The following MEIS2 variants were observed in gnomAD, a reference collection of about 807,000 sequenced individuals.
MEIS2 encodes the protein Meis homeobox 2, also known as homeobox protein Meis2.
MEIS2 carries 9 observed loss-of-function variants against 58.6 expected under a neutral mutation model. The observed-to-expected ratio is 0.15, with a 90% CI of 0.09 to 0.27. MEIS2 has a LOEUF of 0.27. Among genes scored for constraint, MEIS2 ranks in the 10% least tolerant of loss-of-function variants. The pLI is 1.00. For missense variants in MEIS2, 427 were observed against 635.0 expected (o/e 0.67, Z 3.52); for synonymous variants, 221 against 228.4 (o/e 0.97, Z 0.29).
chr15:36,925,326 A>G (rs12909569), intron 9 of MEIS2, among the ~76,000 whole-genome samples: 53,505 of 152,066 alleles, frequency 0.35, 11,880 homozygotes, highest in Non-Finnish European at 0.51. Context: ...ACGAAGAGAT[A>G]AAGTAACAGA....
chr15:36,920,118 TTTTA>T (rs199959581), intron 9 of MEIS2, among the ~76,000 whole-genome samples: 26,700 of 134,164 alleles, frequency 0.2, 2,650 homozygotes, highest in South Asian at 0.3. Flanking sequence ...CCTATACTGC[TTTTA>T]TTTATTTATT....
intron 1 of MEIS2, among the ~76,000 whole-genome samples, chr15:37,098,688 A>C (rs1460208845): frequency 6.6e-6 from 1 of 152,136 alleles, no homozygotes; most frequent in African/African-American, 2.4e-5. Flanking sequence ...GGAGAAGTGG[A>C]GTTAGTGTGA....
At chr15:37,065,779 C>G (rs551581436) in intron 7 of MEIS2, among the ~76,000 whole-genome samples, 1 of 152,034 alleles carries the variant, frequency 6.6e-6, no homozygotes, top group Non-Finnish European at 1.5e-5. Flanking sequence ...TAAAAACCCA[C>G]GATATAAAAT....
intron 8 of MEIS2, among the ~76,000 whole-genome samples, chr15:37,009,453 T>C (rs1377479992): frequency 6.6e-6 from 1 of 152,220 alleles, no homozygotes; most frequent in African/African-American, 2.4e-5. Flanking sequence ...CAAACATTTG[T>C]CCTGTTAAGC....
chr15:36,991,783 C>CTTTTTTTTTTTTTTTTTTTTT (rs11285545), intron 8 of MEIS2, among the ~76,000 whole-genome samples: 1 of 51,036 alleles, frequency 2.0e-5, no homozygotes, highest in African/African-American at 7.6e-5. Flanking sequence ...TTTTTTTTTT[C>CTTTTTTTTTTTTTTTTTTTTT]TTTTTTTTTT....
intron 8 of MEIS2, among the ~76,000 whole-genome samples, chr15:36,980,592 C>T (rs1461478766): frequency 2.0e-5 from 3 of 152,160 alleles, no homozygotes; most frequent in Non-Finnish European, 2.9e-5. Context: ...GTCCCTCCCA[C>T]AACATGTGGG....
intron 1 of MEIS2, 184 bp downstream of exon 1, chr15:37,099,271 C>T: frequency 8.2e-6 from 12 of 1,463,568 alleles, no homozygotes; most frequent in African/African-American, 1.4e-5. Flanking sequence ...CACACACACT[C>T]GCACACACGC....
chr15:36,926,048 G>A (rs563630769), intron 9 of MEIS2, among the ~76,000 whole-genome samples: 4 of 151,876 alleles, frequency 2.6e-5, no homozygotes, highest in South Asian at 2.1e-4. Context: ...ATCCAGCCCC[G>A]CTTCTTTTTA....
intron 8 of MEIS2, among the ~76,000 whole-genome samples, chr15:37,024,269 T>C (rs1487860604): frequency 6.6e-6 from 1 of 152,190 alleles, no homozygotes; most frequent in Non-Finnish European, 1.5e-5. Context: ...GATCTGATTA[T>C]GCTCCTACTG....
At chr15:36,939,202 T>C (rs182346246) in intron 9 of MEIS2, among the ~76,000 whole-genome samples, 9 of 152,346 alleles carry the variant, frequency 5.9e-5, no homozygotes, top group Admixed American at 3.9e-4. Context: ...CTGGCTTTCA[T>C]GCATGTTTAC....
intron 9 of MEIS2, among the ~76,000 whole-genome samples, chr15:36,924,679 C>A (rs16964333): frequency 6.6e-6 from 1 of 152,122 alleles, no homozygotes; most frequent in Admixed American, 6.5e-5. Flanking sequence ...CTTACGGGAG[C>A]GGACCTGCTG....
At chr15:37,014,518 C>T (rs571445641) in intron 8 of MEIS2, among the ~76,000 whole-genome samples, 8 of 152,258 alleles carry the variant, frequency 5.3e-5, no homozygotes, top group African/African-American at 1.9e-4. Flanking sequence ...TAAAAATCTA[C>T]ATATGTTGTT....
chr15:36,993,047 TG>T lies in MEIS2; in HGVS notation c.901-42648del, dbSNP rs1230985415. ...CTAATTCTTTTAAATTATCTGTAGC[TG>T]AGGATTGTTACACAGTCATTTTATC... On this transcript the variant is annotated intron_variant, in intron 8 of 11. Transcript: ENST00000561208. 2.0e-5 allele frequency among the ~76,000 whole-genome samples: 3 copies of T among 152,292 alleles called. No homozygotes were observed. The South Asian group carries it at 6.2e-4, about 32-fold the overall frequency.
rs1315520672 is a variant in MEIS2, at chr15:36,890,628, A to G, written c.*1545T>C. ...GTAGTAAGACAGGCAGAGGAAAAAC[A>G]CAGGCAGATAAATTACCTTTGAGCA... On this transcript the variant is annotated 3_prime_UTR_variant, in exon 12 of 12. Transcript: ENST00000561208. 1 of 152,212 alleles carries G rather than the reference A, an allele frequency of 6.6e-6. No homozygotes were observed. The highest frequency in any genetic ancestry group is 2.4e-5 in the African/African-American group (1 of 41,460). 9.4% of individuals were successfully genotyped at this position (152,212 alleles called of 1,614,324 possible). A position where few individuals can be genotyped will look rare whatever the true frequency, so the allele number is the denominator to read the frequency against.
At chr15:37,007,804 A>G (rs926718541) in intron 8 of MEIS2, among the ~76,000 whole-genome samples, 6 of 152,238 alleles carry the variant, frequency 3.9e-5, no homozygotes, top group East Asian at 3.9e-4. Flanking sequence ...TGCTATGTTA[A>G]TAAAGAGGCA....
chr15:36,991,771 CT>C lies in MEIS2; in HGVS notation c.901-41372del, dbSNP rs1204017425. ...AAGTACATATTAAAGTGTTAATTTTCTTTTTTTTTTTCTTTTTTTTTTTTTT... is the reference window on the plus strand; with the variant it reads ...AAGTACATATTAAAGTGTTAATTTTCTTTTTTTTTTCTTTTTTTTTTTTTT... On this transcript the variant is annotated intron_variant, in intron 8 of 11. Coordinates refer to ENST00000561208, the MANE Select transcript of MEIS2 (RefSeq NM_170675.5). 2.5e-3 allele frequency among the ~76,000 whole-genome samples: 272 copies of C among 108,594 alleles called. 6 individuals carry two copies. The highest frequency in any genetic ancestry group is 8.6e-3 in the African/African-American group (249 of 28,998). The allele number at this position is 108,594 out of a possible 152,430, so 71.2% of individuals were successfully genotyped here. A position where few individuals can be genotyped will look rare whatever the true frequency, so the allele number is the denominator to read the frequency against.
chr15:36,946,470 T>C (rs989002864), intron 9 of MEIS2, among the ~76,000 whole-genome samples: 1 of 151,880 alleles, frequency 6.6e-6, no homozygotes, highest in East Asian at 1.9e-4. Flanking sequence ...AAGTCTATCT[T>C]TGTTTAATAC....
intron 7 of MEIS2, among the ~76,000 whole-genome samples, chr15:37,082,770 A>G (rs1892402187): frequency 6.6e-6 from 1 of 152,132 alleles, no homozygotes; most frequent in Non-Finnish European, 1.5e-5. Context: ...CTCTTCTAGA[A>G]CCTCAGAAAT....
chr15:36,967,496 A>G (rs896052), intron 8 of MEIS2, among the ~76,000 whole-genome samples: 58,100 of 151,886 alleles, frequency 0.38, 11,604 homozygotes, highest in East Asian at 0.55. Context: ...CTCTAAATTG[A>G]CTACAAATTG....
Sources: allele counts gnomAD v4.1 joint callset (sites outside exome capture counted in the v4.1 genomes callset), GRCh38; gene constraint gnomAD v4.1.1; transcripts MANE v1.5; gene names NCBI Gene and HGNC (gene_info 2026-07-23, HGNC 2026-07-21).